The following ZNG1E variants were observed in gnomAD, a reference collection of about 807,000 sequenced individuals.
The protein encoded by ZNG1E is Zn regulated GTPase metalloprotein activator 1E.
At chr9:65,703,718 T>C in the ZNG1E span, 1 of 971,034 alleles carries the variant, frequency 1.0e-6, no homozygotes, top group Non-Finnish European at 1.2e-6. Flanking sequence ...ACTTGAGAAA[T>C]TCTTTCTTTG....
chr9:65,664,859 C>G, the ZNG1E span, among the ~76,000 whole-genome samples: 4 of 152,280 alleles, frequency 2.6e-5, no homozygotes, highest in African/African-American at 9.6e-5. Context: ...GGAACTGGAG[C>G]AATGGTGACT....
At chr9:65,680,891 C>T in the ZNG1E span, among the ~76,000 whole-genome samples, 5 of 152,138 alleles carry the variant, frequency 3.3e-5, no homozygotes, top group Non-Finnish European at 5.9e-5. Flanking sequence ...CGGGTTCACG[C>T]CATTCTCCTG....
chr9:65,719,842 G>T, the ZNG1E span: 1 of 893,312 alleles, frequency 1.1e-6, no homozygotes, highest in Non-Finnish European at 1.6e-6. Flanking sequence ...ATGAATGTGT[G>T]TTTTTTTTAA....
chr9:65,660,853 A>G, the ZNG1E span, among the ~76,000 whole-genome samples: 5 of 109,726 alleles, frequency 4.6e-5, no homozygotes, highest in East Asian at 2.7e-4. Context: ...ATATATATAT[A>G]TAAAATAAAA....
the ZNG1E span, among the ~76,000 whole-genome samples, chr9:65,691,564 C>T: frequency 6.6e-6 from 1 of 152,242 alleles, no homozygotes; most frequent in African/African-American, 2.4e-5. Flanking sequence ...CAATTTAGTG[C>T]TTCCACTAAG....
chr9:65,665,153 G>A, the ZNG1E span, among the ~76,000 whole-genome samples: 1 of 152,288 alleles, frequency 6.6e-6, no homozygotes, highest in African/African-American at 2.4e-5. Context: ...TAAGTAACAA[G>A]GAGCTGAATG....
the ZNG1E span, among the ~76,000 whole-genome samples, chr9:65,662,219 G>T: frequency 6.6e-6 from 1 of 152,204 alleles, no homozygotes; most frequent in Admixed American, 6.6e-5. Flanking sequence ...TCCAAGTGAA[G>T]GAACATTCTA....
chr9:65,665,393 G>A, the ZNG1E span, among the ~76,000 whole-genome samples: 2 of 152,274 alleles, frequency 1.3e-5, no homozygotes, highest in African/African-American at 4.8e-5. Context: ...CAAGCCCCAA[G>A]CCTTGGCAGC....
the ZNG1E span, chr9:65,675,660 C>G: frequency 1.9e-6 from 1 of 532,592 alleles, no homozygotes; most frequent in Non-Finnish European, 3.3e-6. Flanking sequence ...TATTAAGGCT[C>G]TAGGCGCCAG....
chr9:65,662,060 C>G, the ZNG1E span, among the ~76,000 whole-genome samples: 8 of 152,210 alleles, frequency 5.3e-5, no homozygotes, highest in Non-Finnish European at 8.8e-5. Flanking sequence ...TGGCAGAACC[C>G]TGCTGACAAA....
the ZNG1E span, among the ~76,000 whole-genome samples, chr9:65,714,674 G>A: frequency 5.0e-3 from 757 of 151,378 alleles, no homozygotes; most frequent in South Asian, 7.9e-3. Context: ...CTGCTAGGGG[G>A]TGCCTCCCAG....
the ZNG1E span, among the ~76,000 whole-genome samples, chr9:65,683,964 A>C: frequency 6.6e-6 from 1 of 152,400 alleles, no homozygotes; most frequent in African/African-American, 2.4e-5. Context: ...TTATTTCATC[A>C]TAGCCAGTTT....
the ZNG1E span, among the ~76,000 whole-genome samples, chr9:65,681,360 T>C: frequency 6.6e-6 from 1 of 152,258 alleles, no homozygotes; most frequent in Non-Finnish European, 1.5e-5. Flanking sequence ...GTTTAGGATG[T>C]GTCTTTTTTC....
the ZNG1E span, among the ~76,000 whole-genome samples, chr9:65,702,666 A>AC: frequency 7.8e-6 from 1 of 128,454 alleles, no homozygotes; most frequent in African/African-American, 3.2e-5. Flanking sequence ...TTTATGAATG[A>AC]TTTTTTCTAA....
chr9:65,659,886 C>G, the ZNG1E span, among the ~76,000 whole-genome samples: 1 of 151,496 alleles, frequency 6.6e-6, no homozygotes, highest in East Asian at 1.9e-4. Flanking sequence ...GTTGCTGTAG[C>G]ATAGCCTAAT....
the ZNG1E span, among the ~76,000 whole-genome samples, chr9:65,700,070 G>A: frequency 1.0e-4 from 15 of 148,182 alleles, no homozygotes; most frequent in East Asian, 2.1e-3. Context: ...AAAAGTTAGC[G>A]GATTAGGAGT....
chr9:65,714,231 A>G, the ZNG1E span, among the ~76,000 whole-genome samples: 5 of 148,470 alleles, frequency 3.4e-5, no homozygotes, highest in Non-Finnish European at 1.5e-5. Flanking sequence ...ACTTCTCTGT[A>G]TTGGTTATTC....
chr9:65,710,615 C>T, the ZNG1E span, among the ~76,000 whole-genome samples: 3 of 152,074 alleles, frequency 2.0e-5, no homozygotes, highest in African/African-American at 7.3e-5. Flanking sequence ...ATACGGAATC[C>T]TTTCCCCACT....
At chr9:65,667,343 T>C in the ZNG1E span, among the ~76,000 whole-genome samples, 4 of 152,364 alleles carry the variant, frequency 2.6e-5, no homozygotes, top group South Asian at 6.2e-4. Flanking sequence ...ATCCAAAATA[T>C]GAGTTTGCTA....
Sources: allele counts gnomAD v4.1 joint callset (sites outside exome capture counted in the v4.1 genomes callset), GRCh38; gene constraint gnomAD v4.1.1; transcripts MANE v1.5; gene names NCBI Gene and HGNC (gene_info 2026-07-23, HGNC 2026-07-21).